Variants in LGSN observed in about 807,000 individuals in gnomAD.
The protein encoded by LGSN is lengsin, lens protein with glutamine synthetase domain, also known as lengsin.
Under a neutral mutation model 19.5 loss-of-function variants are expected in LGSN, and 21 were observed. The ratio of observed to expected loss-of-function variants is 1.07; its 90% confidence interval spans 0.76 to 1.55. LGSN has a LOEUF of 1.55. LGSN is among the 40% of genes most tolerant of loss of function. The pLI is 0.00. For missense variants in LGSN, 673 were observed against 608.5 expected, an observed-to-expected ratio of 1.11 and a Z score of -1.12; for synonymous variants, 257 against 215.6, an observed-to-expected ratio of 1.19 and a Z score of -1.68.
chr6:63,309,426 T>C (rs1377944019), intron 1 of LGSN, among the ~76,000 whole-genome samples: 1 of 152,162 alleles, frequency 6.6e-6, no homozygotes, highest in Middle Eastern at 3.2e-3. Context: ...AGCAAGACTC[T>C]ATCTCAAAAA....
chr6:63,517,785 C>A, the LGSN span, among the ~76,000 whole-genome samples: 7 of 152,166 alleles, frequency 4.6e-5, no homozygotes, highest in Non-Finnish European at 1.0e-4. Flanking sequence ...CAAACACAGA[C>A]TATGTCCAAA....
intron 2 of LGSN, among the ~76,000 whole-genome samples, chr6:63,292,037 C>T (rs1159800059): frequency 1.3e-5 from 2 of 152,180 alleles, no homozygotes; most frequent in Non-Finnish European, 2.9e-5. Context: ...TATAAAACCA[C>T]AGAAAGGATT....
At chr6:63,502,069 G>C in the LGSN span, among the ~76,000 whole-genome samples, 39 of 152,168 alleles carry the variant, frequency 2.6e-4, no homozygotes, top group Non-Finnish European at 4.4e-4. Flanking sequence ...CAAAATGTTG[G>C]GATTACAGGC....
the LGSN span, among the ~76,000 whole-genome samples, chr6:63,363,846 G>A: frequency 2.6e-5 from 4 of 152,020 alleles, no homozygotes; most frequent in Non-Finnish European, 5.9e-5. Context: ...GAAATACAGA[G>A]AATGCCACAA....
chr6:63,395,304 C>A, the LGSN span: 1 of 152,188 alleles, frequency 6.6e-6, no homozygotes, highest in Non-Finnish European at 1.5e-5. Context: ...CTGTTGGAGG[C>A]ATTAGCCAAG....
the LGSN span, among the ~76,000 whole-genome samples, chr6:63,509,511 T>C: frequency 6.6e-6 from 1 of 152,212 alleles, no homozygotes; most frequent in Non-Finnish European, 1.5e-5. Flanking sequence ...AAATCGACAT[T>C]AAAATAAATA....
chr6:63,279,960 T>C lies in LGSN; in HGVS notation c.*61A>G, dbSNP rs1767224406. ...TAATTACAAAAGTTCAGTCTTTTTG[T>C]TTTGGTAGATTAGCTTTAAGTAACA... On this transcript the variant is annotated 3_prime_UTR_variant, in exon 4 of 4. Coordinates refer to ENST00000370657, the MANE Select transcript of LGSN (RefSeq NM_016571.3). 1.4e-6 allele frequency: 2 copies of C among 1,442,944 alleles called. No homozygotes were observed. Among genetic ancestry groups the C allele is most frequent in the Non-Finnish European group, 1.9e-6 (2 of 1,071,444 alleles). The allele number at this position is 1,442,944 out of a possible 1,614,324, so 89.4% of individuals were successfully genotyped here.
chr6:63,385,921 A>G, the LGSN span, among the ~76,000 whole-genome samples: 1 of 152,326 alleles, frequency 6.6e-6, no homozygotes, highest in Admixed American at 6.5e-5. Flanking sequence ...ACATAGGCAA[A>G]AAGTCTGAGA....
the LGSN span, among the ~76,000 whole-genome samples, chr6:63,417,109 G>A: frequency 6.6e-6 from 1 of 152,040 alleles, no homozygotes; most frequent in Non-Finnish European, 1.5e-5. Context: ...TTTGCCACCT[G>A]ACCCTTGAAG....
At chr6:63,502,229 C>T in the LGSN span, among the ~76,000 whole-genome samples, 1 of 152,328 alleles carries the variant, frequency 6.6e-6, no homozygotes, top group South Asian at 2.1e-4. Context: ...AGAACCTTTT[C>T]TCCTTAGATT....
chr6:63,472,430 A>C, the LGSN span, among the ~76,000 whole-genome samples: 2 of 152,204 alleles, frequency 1.3e-5, no homozygotes, highest in Non-Finnish European at 2.9e-5. Flanking sequence ...GAAGTGCTTC[A>C]ACATTGAGTG....
At chr6:63,556,094 T>A in the LGSN span, among the ~76,000 whole-genome samples, 1 of 152,206 alleles carries the variant, frequency 6.6e-6, no homozygotes, top group Admixed American at 6.5e-5. Flanking sequence ...AGTTTTCAAG[T>A]TCACATTTTG....
the LGSN span, among the ~76,000 whole-genome samples, chr6:63,495,728 G>A: frequency 1.3e-5 from 2 of 151,872 alleles, no homozygotes; most frequent in Non-Finnish European, 2.9e-5. Context: ...GGGATTATAG[G>A]CGTGAGCCAC....
chr6:63,282,486 C>G (rs1767359399), intron 3 of LGSN, among the ~76,000 whole-genome samples: 1 of 152,142 alleles, frequency 6.6e-6, no homozygotes, highest in South Asian at 2.1e-4. Flanking sequence ...TCGTATATGG[C>G]TTCTTCTTGT....
the LGSN span, among the ~76,000 whole-genome samples, chr6:63,412,675 A>AAG: frequency 4.4e-5 from 6 of 136,580 alleles, no homozygotes; most frequent in African/African-American, 1.8e-4. Flanking sequence ...GAAGGAAAGG[A>AAG]AGAAAGAAAG....
chr6:63,535,650 G>A, the LGSN span, among the ~76,000 whole-genome samples: 1 of 152,122 alleles, frequency 6.6e-6, no homozygotes, highest in Admixed American at 6.5e-5. Context: ...AAAAATCAAT[G>A]TAATACTTAG....
the LGSN span, among the ~76,000 whole-genome samples, chr6:63,447,570 G>A: frequency 6.6e-6 from 1 of 152,050 alleles, no homozygotes; most frequent in East Asian, 1.9e-4. Flanking sequence ...TTACTGTCCA[G>A]GTAAATACAA....
the LGSN span, among the ~76,000 whole-genome samples, chr6:63,332,828 G>C: frequency 6.6e-6 from 1 of 152,236 alleles, no homozygotes; most frequent in South Asian, 2.1e-4. Flanking sequence ...GGCGGTAGGC[G>C]AAAGTCCCTT....
At chr6:63,495,469 T>TTTGTTTTTTTG in the LGSN span, among the ~76,000 whole-genome samples, 1,129 of 119,322 alleles carry the variant, frequency 9.5e-3, 31 homozygotes, top group East Asian at 0.028. Context: ...TTTTTTTTTT[T>TTTGTTTTTTTG]TTTTTTTGAG....
Sources: gnomAD v4.1 joint callset for allele counts (sites outside exome capture counted in the v4.1 genomes callset) on GRCh38, gnomAD v4.1.1 for gene constraint, MANE v1.5 for transcripts, NCBI Gene and HGNC (gene_info 2026-07-23, HGNC 2026-07-21) for gene names.